SYNPR: variants seen among roughly 807,000 people sequenced by gnomAD.
SYNPR encodes synaptoporin.
In SYNPR, 23 loss-of-function variants were observed where a neutral mutation model predicts 32.9. That is an observed-to-expected ratio of 0.70 (90% confidence interval 0.50 to 0.99). The LOEUF (loss-of-function observed/expected upper bound fraction) is 0.99. SYNPR is among the 50% of genes least tolerant of loss of function. The probability of loss-of-function intolerance (pLI) is 0.00; values close to 1 mark genes in which losing one functional copy is unlikely to be tolerated. For synonymous variants in SYNPR, 146 were observed against 135.9 expected (o/e 1.07, Z -0.52); for missense variants, 318 against 349.3 (o/e 0.91, Z 0.71).
intron 2 of SYNPR, among the ~76,000 whole-genome samples, chr3:63,327,676 T>G (rs1227674036): frequency 1.3e-5 from 2 of 152,080 alleles, no homozygotes; most frequent in African/African-American, 4.8e-5. Context: ...CAAAAGAAAC[T>G]AGATACAAAA....
intron 4 of SYNPR, among the ~76,000 whole-genome samples, chr3:63,572,052 T>C (rs1475952362): frequency 6.6e-6 from 1 of 152,214 alleles, no homozygotes; most frequent in Non-Finnish European, 1.5e-5. Context: ...CATGGCTCTT[T>C]AACTAAAATT....
At chr3:63,534,614 G>A (rs1038214996) in intron 3 of SYNPR, among the ~76,000 whole-genome samples, 20 of 152,106 alleles carry the variant, frequency 1.3e-4, no homozygotes, top group African/African-American at 3.9e-4. Flanking sequence ...CAGAATAGCC[G>A]AGACTGAGTA....
chr3:63,462,513 TA>T (rs1700602926), intron 2 of SYNPR, among the ~76,000 whole-genome samples: 1 of 152,098 alleles, frequency 6.6e-6, no homozygotes, highest in Non-Finnish European at 1.5e-5. Flanking sequence ...ATAGATCAAA[TA>T]AAACCTTGAA....
At chr3:63,203,068 G>GTGTGTATGTATATATATATA in the SYNPR span, 8 of 108,574 alleles carry the variant, frequency 7.4e-5, no homozygotes, top group African/African-American at 3.7e-4. Flanking sequence ...ATATGTATGT[G>GTGTGTATGTATATATATATA]TATATATATA....
chr3:63,284,317 C>G (rs1251284551), intron 2 of SYNPR, among the ~76,000 whole-genome samples: 1 of 152,180 alleles, frequency 6.6e-6, no homozygotes. Context: ...GACTTAAGGT[C>G]ATCAAAAGAA....
At chr3:63,499,672 G>A (rs1411800494) in intron 3 of SYNPR, among the ~76,000 whole-genome samples, 1 of 152,108 alleles carries the variant, frequency 6.6e-6, no homozygotes, top group Admixed American at 6.5e-5. Context: ...GACAGAGACG[G>A]GAGGTGAGTT....
chr3:63,421,550 T>C (rs764361457), intron 2 of SYNPR, among the ~76,000 whole-genome samples: 2 of 152,128 alleles, frequency 1.3e-5, no homozygotes, highest in Non-Finnish European at 2.9e-5. Context: ...AATTAATCTA[T>C]ATTAAAAGAA....
In SYNPR at chr3:63,500,395, C is replaced by T. The variant is rs545146975; in HGVS notation, c.209+19439C>T. ...CTGACTTTGGACTTGCCTCCCTCAC[C>T]GAGCAATTGTGGGATTCTGGGTGAG... On this transcript the variant is annotated intron_variant, in intron 3 of 5. Coordinates refer to ENST00000478300, the MANE Select transcript of SYNPR (RefSeq NM_001130003.2). Among the ~76,000 whole-genome samples, 178 of 152,138 alleles carry T rather than the reference C, an allele frequency of 1.2e-3. 6 individuals carry two copies. The highest frequency in any genetic ancestry group is 0.01 in the Admixed American group (155 of 15,270).
At chr3:63,303,019 C>CA (rs1429029011) in intron 2 of SYNPR, among the ~76,000 whole-genome samples, 3 of 151,630 alleles carry the variant, frequency 2.0e-5, no homozygotes, top group African/African-American at 7.3e-5. Context: ...AAGTGTACTC[C>CA]AAAAAAATTA....
chr3:63,352,106 G>A (rs957969028), intron 2 of SYNPR, among the ~76,000 whole-genome samples: 7 of 152,116 alleles, frequency 4.6e-5, no homozygotes, highest in African/African-American at 1.7e-4. Context: ...AGGTCCTGGG[G>A]TGGAAACAGA....
intron 4 of SYNPR, chr3:63,561,518 C>T (rs2106834310): frequency 1.3e-5 from 2 of 152,244 alleles, no homozygotes; most frequent in East Asian, 1.9e-4. Flanking sequence ...ATAGGTAAGA[C>T]AAATTGGTAT....
intron 2 of SYNPR, among the ~76,000 whole-genome samples, chr3:63,440,122 G>GTTTTT (rs1700146818): frequency 6.6e-6 from 1 of 152,160 alleles, no homozygotes; most frequent in Non-Finnish European, 1.5e-5. Context: ...GATGTTTTTA[G>GTTTTT]GTTAGGTGGT....
Position 63,362,762 on chromosome 3 carries a change from A to G in SYNPR, c.84+84020A>G, listed in dbSNP as rs1523445. Among the ~76,000 whole-genome samples the G allele has an allele frequency of 2.1e-4, 32 of 152,344 alleles. No homozygotes were observed. The East Asian group carries it at 3.7e-3, about 17-fold the overall frequency. On this transcript the variant is annotated intron_variant, in intron 2 of 5. Transcript: ENST00000478300. ...GAAGAGGCCTTTCATGCTGACACTGAAATAATGAGCAGAGATCTCAGCCTC... is the reference window on the plus strand; with the variant it reads ...GAAGAGGCCTTTCATGCTGACACTGGAATAATGAGCAGAGATCTCAGCCTC...
At chr3:63,281,359 C>T (rs1026055729) in intron 2 of SYNPR, among the ~76,000 whole-genome samples, 3 of 152,176 alleles carry the variant, frequency 2.0e-5, no homozygotes, top group Non-Finnish European at 2.9e-5. Flanking sequence ...CTGCAATTTC[C>T]CCATGCTGTA....
chr3:63,616,014 A>T lies in SYNPR; in HGVS notation c.*533A>T, dbSNP rs973460399. ...ATAAATCATATGATTTAAGTGCATG[A>T]ATAAGCATTTTCCCACACAATGAAC... On this transcript the variant is annotated 3_prime_UTR_variant, in exon 6 of 6. Transcript: ENST00000478300. 1.3e-5 allele frequency: 2 copies of T among 152,362 alleles called. No homozygotes were observed. Among genetic ancestry groups the T allele is most frequent in the African/African-American group, 4.8e-5 (2 of 41,576 alleles). 9.4% of individuals were successfully genotyped at this position (152,362 alleles called of 1,614,324 possible).
chr3:63,610,118 G>A (rs1406588542), intron 5 of SYNPR, among the ~76,000 whole-genome samples: 1 of 152,136 alleles, frequency 6.6e-6, no homozygotes, highest in Non-Finnish European at 1.5e-5. Context: ...AATAGCTATG[G>A]TAATTTTTGA....
intron 3 of SYNPR, among the ~76,000 whole-genome samples, chr3:63,553,388 T>C (rs1002257343): frequency 4.6e-5 from 7 of 152,224 alleles, no homozygotes; most frequent in Non-Finnish European, 1.0e-4. Flanking sequence ...GTGAGTAGCA[T>C]GGCCATGAAC....
intron 3 of SYNPR, among the ~76,000 whole-genome samples, chr3:63,494,448 C>CGT (rs1412185698): frequency 0.088 from 7,497 of 84,912 alleles, 405 homozygotes; most frequent in East Asian, 0.16. Context: ...TATATATATA[C>CGT]ACATATATAT....
chr3:63,392,484 C>T lies in SYNPR; in HGVS notation c.85-88348C>T, dbSNP rs974888667. Reference sequence around the variant, plus strand: ...GAATTTTGTTATCTTTCTCACCCACCTGAGTATCACCTGGGAAATAGAGCT... The same window carrying T: ...GAATTTTGTTATCTTTCTCACCCACTTGAGTATCACCTGGGAAATAGAGCT... On this transcript the variant is annotated intron_variant, in intron 2 of 5. Transcript: ENST00000478300. 3.3e-5 allele frequency among the ~76,000 whole-genome samples: 5 copies of T among 152,308 alleles called. No homozygotes were observed. In the East Asian group the frequency reaches 9.7e-4, roughly 29 times the overall value.
Sources: gnomAD v4.1 joint callset for allele counts (sites outside exome capture counted in the v4.1 genomes callset) on GRCh38, gnomAD v4.1.1 for gene constraint, MANE v1.5 for transcripts, NCBI Gene and HGNC (gene_info 2026-07-23, HGNC 2026-07-21) for gene names.